The following UNC13C variants were observed in gnomAD, a reference collection of about 807,000 sequenced individuals.
UNC13C encodes protein unc-13 homolog C.
Under a neutral mutation model 245.4 loss-of-function variants are expected in UNC13C, and 174 were observed. The ratio of observed to expected loss-of-function variants is 0.71; its 90% CI spans 0.63 to 0.80. The LOEUF is 0.80. UNC13C is among the 30% of genes least tolerant of loss of function. The probability of loss-of-function intolerance (pLI) is 0.00; values close to 1 mark genes in which losing one functional copy is unlikely to be tolerated. For missense variants in UNC13C, 2,829 were observed against 2,602.9 expected, an observed-to-expected ratio of 1.09 and a Z score of -1.89; for synonymous variants, 992 against 895.1, an observed-to-expected ratio of 1.11 and a Z score of -1.93.
At chr15:54,062,118 G>A (rs890712268) in intron 2 of UNC13C, among the ~76,000 whole-genome samples, 4 of 151,902 alleles carry the variant, frequency 2.6e-5, no homozygotes, top group African/African-American at 9.7e-5. Context: ...TCAGGAATTG[G>A]AAACCAGCCT....
At chr15:54,127,530 G>A (rs2031125461) in intron 2 of UNC13C, among the ~76,000 whole-genome samples, 1 of 151,790 alleles carries the variant, frequency 6.6e-6, no homozygotes, top group East Asian at 1.9e-4. Context: ...ACAGAGAGGG[G>A]AACATCACAC....
intron 4 of UNC13C, among the ~76,000 whole-genome samples, chr15:54,198,666 C>T (rs369007758): frequency 3.3e-5 from 5 of 152,216 alleles, no homozygotes; most frequent in Admixed American, 1.3e-4. Flanking sequence ...AGTAGGAGAG[C>T]ACCACATCAA....
chr15:54,621,964 T>G (rs879415886), intron 30 of UNC13C, among the ~76,000 whole-genome samples: 6 of 152,154 alleles, frequency 3.9e-5, no homozygotes, highest in Non-Finnish European at 7.4e-5. Context: ...TATGGCACAT[T>G]GTGGAAAAGC....
chr15:54,280,691 A>T (rs796477942), intron 10 of UNC13C, among the ~76,000 whole-genome samples: 14,157 of 87,292 alleles, frequency 0.16, 821 homozygotes, highest in African/African-American at 0.27. Flanking sequence ...TACATATATA[A>T]ACATATGTAT....
chr15:54,205,423 A>G (rs901178635), intron 4 of UNC13C, among the ~76,000 whole-genome samples: 1 of 152,010 alleles, frequency 6.6e-6, no homozygotes, highest in Non-Finnish European at 1.5e-5. Flanking sequence ...TCTTCAACTA[A>G]TATCAGGTTC....
chr15:53,873,618 G>A, the UNC13C span, among the ~76,000 whole-genome samples: 1 of 152,072 alleles, frequency 6.6e-6, no homozygotes, highest in Non-Finnish European at 1.5e-5. Flanking sequence ...TGTGGGAGAA[G>A]ATATCAGTTA....
At chr15:54,614,631 A>C (rs1351092968) in intron 30 of UNC13C, among the ~76,000 whole-genome samples, 1 of 151,970 alleles carries the variant, frequency 6.6e-6, no homozygotes, top group Non-Finnish European at 1.5e-5. Flanking sequence ...CTGGATTAAA[A>C]TTCTAGGATC....
At chr15:54,505,474 TC>T (rs1019835132) in intron 22 of UNC13C, among the ~76,000 whole-genome samples, 13 of 152,268 alleles carry the variant, frequency 8.5e-5, no homozygotes, top group African/African-American at 3.1e-4. Context: ...TCCAACAAGT[TC>T]CCAGGTGATG....
chr15:54,630,717 T>C (rs528915032), downstream of UNC13C: 2 of 152,254 alleles, frequency 1.3e-5, no homozygotes, highest in African/African-American at 4.8e-5. Flanking sequence ...TCCCCAGGCC[T>C]CCACTGATCA....
At chr15:54,354,045 G>A (rs1242751886) in intron 17 of UNC13C, among the ~76,000 whole-genome samples, 6 of 152,196 alleles carry the variant, frequency 3.9e-5, no homozygotes, top group African/African-American at 1.2e-4. Flanking sequence ...TTGGCAAGGA[G>A]TGGATGTCTT....
intron 2 of UNC13C, among the ~76,000 whole-genome samples, chr15:54,047,957 G>A (rs529178951): frequency 2.0e-4 from 30 of 152,156 alleles, no homozygotes; most frequent in South Asian, 1.7e-3. Flanking sequence ...TAAGTATACC[G>A]TAATATTTTG....
In UNC13C at chr15:54,001,569, G is replaced by A. The variant is rs891579285; in HGVS notation, c.-256-11079G>A. ...CTTGGCTGACCTGCAGTCAGTAAAC[G>A]AGTAGGGGTAGAGGAAGGGTCTGCT... On this transcript the variant is annotated intron_variant, in intron 1 of 32. Transcript: ENST00000260323. Among the ~76,000 whole-genome samples the A allele has an allele frequency of 7.9e-5, 12 of 152,270 alleles. No homozygotes were observed. In the East Asian group the frequency reaches 2.3e-3, roughly 29 times the overall value.
chr15:53,994,994 A>G (rs1410089786), intron 1 of UNC13C, among the ~76,000 whole-genome samples: 1 of 152,088 alleles, frequency 6.6e-6, no homozygotes, highest in Non-Finnish European at 1.5e-5. Context: ...TGACAAAAAG[A>G]TGGAGGAATG....
chr15:54,333,907 A>G, intron 16 of UNC13C, 51 bp downstream of exon 16: 2 of 1,361,446 alleles, frequency 1.5e-6, no homozygotes, highest in Non-Finnish European at 2.1e-6. Flanking sequence ...GAATACATTC[A>G]TCCCCTGGTA....
Position 54,464,863 on chromosome 15 carries a change from A to T in UNC13C, c.4934-29745A>T, listed in dbSNP as rs1019612900. ...CTTTTAAATGATAAATAGTATTCAA[A>T]GGTATTCATGGATTGCTTTTTTTTT... On this transcript the variant is annotated intron_variant, in intron 19 of 32. Transcript: ENST00000260323. Among the ~76,000 whole-genome samples, 78 of 151,992 alleles carry T rather than the reference A, an allele frequency of 5.1e-4. 1 individual carries two copies. Among genetic ancestry groups the T allele is most frequent in the Admixed American group, 2.0e-4 (3 of 15,254 alleles).
chr15:54,058,748 A>T (rs970956260), intron 2 of UNC13C, among the ~76,000 whole-genome samples: 5 of 152,240 alleles, frequency 3.3e-5, no homozygotes, highest in African/African-American at 9.6e-5. Flanking sequence ...CAGCACATCA[A>T]AAAGCTTATC....
At position 54,516,404 on chromosome 15, in the gene UNC13C, G is replaced by A. The variant is rs77739509; in HGVS notation, c.5457+4574G>A. On this transcript the variant is annotated intron_variant, in intron 24 of 32. Coordinates refer to ENST00000260323, the MANE Select transcript of UNC13C (RefSeq NM_001080534.3). ...ACCCCCAGTGTATTTGATTCAGTAC[G>A]TTTGGGGCAGGGCCAGGTGATTTGC... 2.6e-3 allele frequency among the ~76,000 whole-genome samples: 390 copies of A among 152,306 alleles called. 2 individuals carry two copies. The highest frequency in any genetic ancestry group is 7.7e-3 in the African/African-American group (320 of 41,562).
In UNC13C at chr15:54,300,188, A is replaced by G. The variant is rs1426923928; in HGVS notation, c.4105-22A>G. ...GCCTATTCTGAGGAATCACTGAACA[A>G]TTAAAAACCACTTGCTTTTAGAATC... On this transcript the variant is annotated intron_variant, in intron 12 of 32. Transcript: ENST00000260323. The G allele has an allele frequency of 2.5e-5, 39 of 1,586,056 alleles. 2 individuals carry two copies. The Middle Eastern group carries it at 4.6e-3, about 189-fold the overall frequency.
intron 1 of UNC13C, among the ~76,000 whole-genome samples, chr15:53,986,096 A>G (rs1367406434): frequency 1.3e-5 from 2 of 152,052 alleles, no homozygotes; most frequent in African/African-American, 4.8e-5. Context: ...TCTTGGGGAA[A>G]TTCTTAGAGC....
Sources: gnomAD v4.1 joint callset for allele counts (sites outside exome capture counted in the v4.1 genomes callset) on GRCh38, gnomAD v4.1.1 for gene constraint, MANE v1.5 for transcripts, NCBI Gene and HGNC (gene_info 2026-07-23, HGNC 2026-07-21) for gene names.